FGF14: variants seen among roughly 807,000 people sequenced by gnomAD.
FGF14 encodes fibroblast growth factor homologous factor 4.
In FGF14, 5 loss-of-function variants were observed where a neutral mutation model predicts 25.5. The observed-to-expected ratio is 0.20, with a 90% CI of 0.10 to 0.41. The LOEUF is 0.41. Among genes scored for constraint, FGF14 ranks in the 10% least tolerant of loss-of-function variants. The pLI is 1.00. For missense variants in FGF14, 222 were observed against 320.1 expected, an observed-to-expected ratio of 0.69 and a Z score of 2.34; for synonymous variants, 138 against 118.3, an observed-to-expected ratio of 1.17 and a Z score of -1.08.
intron 3 of FGF14, among the ~76,000 whole-genome samples, chr13:101,732,694 C>T (rs2035892068): frequency 6.6e-6 from 1 of 152,092 alleles, no homozygotes; most frequent in Admixed American, 6.5e-5. Flanking sequence ...AATTTATGGA[C>T]TAGAAATTAA....
intron 1 of FGF14, among the ~76,000 whole-genome samples, chr13:102,085,375 T>A (rs1206109644): frequency 6.6e-6 from 1 of 152,132 alleles, no homozygotes; most frequent in African/African-American, 2.4e-5. Context: ...TCACCCCAAA[T>A]CCCTCAACTG....
intron 1 of FGF14, among the ~76,000 whole-genome samples, chr13:102,128,077 G>A (rs780307928): frequency 5.9e-5 from 9 of 151,300 alleles, no homozygotes; most frequent in Admixed American, 1.3e-4. Context: ...GTCATAATGC[G>A]GTCTTCACTC....
intron 1 of FGF14, among the ~76,000 whole-genome samples, chr13:102,213,902 T>C (rs2050260971): frequency 6.6e-6 from 1 of 152,200 alleles, no homozygotes; most frequent in African/African-American, 2.4e-5. Context: ...ATGGTACTAA[T>C]AGGTATTACT....
At chr13:102,349,888 T>C (rs2057224408) in intron 1 of FGF14, among the ~76,000 whole-genome samples, 1 of 152,198 alleles carries the variant, frequency 6.6e-6, no homozygotes, top group Non-Finnish European at 1.5e-5. Context: ...CCCATGGAAA[T>C]GATGAACCTC....
At chr13:101,935,233 T>A (rs1368647309) in intron 1 of FGF14, among the ~76,000 whole-genome samples, 2 of 152,238 alleles carry the variant, frequency 1.3e-5, no homozygotes, top group African/African-American at 4.8e-5. Context: ...TATCCTCCTT[T>A]CTGCCCCTTC....
intron 1 of FGF14, among the ~76,000 whole-genome samples, chr13:102,241,330 C>A (rs1333837795): frequency 1.3e-5 from 2 of 152,146 alleles, no homozygotes; most frequent in African/African-American, 4.8e-5. Context: ...TCCCATATCC[C>A]TTTACCCTAG....
chr13:102,071,940 T>C (rs2043171360), intron 1 of FGF14, among the ~76,000 whole-genome samples: 1 of 152,180 alleles, frequency 6.6e-6, no homozygotes, highest in African/African-American at 2.4e-5. Context: ...CTATCAGGGC[T>C]AGAACAGCCG....
At chr13:101,944,557 A>G (rs2035684401) in intron 1 of FGF14, among the ~76,000 whole-genome samples, 1 of 152,190 alleles carries the variant, frequency 6.6e-6, no homozygotes, top group Non-Finnish European at 1.5e-5. Context: ...TTAAAACTTA[A>G]TTACAATATT....
chr13:102,335,102 C>T (rs970216120), intron 1 of FGF14, among the ~76,000 whole-genome samples: 3 of 152,100 alleles, frequency 2.0e-5, no homozygotes, highest in South Asian at 2.1e-4. Context: ...TGTCTCTGTA[C>T]GATGAAGGTA....
chr13:102,009,111 A>G (rs117588619), intron 1 of FGF14, among the ~76,000 whole-genome samples: 1 of 152,184 alleles, frequency 6.6e-6, no homozygotes, highest in Admixed American at 6.5e-5. Flanking sequence ...AAAAAGCCGT[A>G]TATTTTACAT....
intron 3 of FGF14, among the ~76,000 whole-genome samples, chr13:101,822,709 TTCA>T (rs1157143815): frequency 3.3e-5 from 5 of 152,174 alleles, no homozygotes; most frequent in Non-Finnish European, 5.9e-5. Context: ...ACCTCAAACA[TTCA>T]TCATTTCTTT....
rs1566949652 is a variant in FGF14, at chr13:101,829,010, G to A, written c.408+39715C>T. ...TTCATTTGTGGTTTCTGCCCCTCGG[G>A]GTCTGTAACTGCTGTGTTTCTGGTG... On this transcript the variant is annotated intron_variant, in intron 3 of 4. Coordinates refer to ENST00000376143, the MANE Select transcript of FGF14 (RefSeq NM_004115.4). Among the ~76,000 whole-genome samples, 3 of 152,046 alleles carry A rather than the reference G, an allele frequency of 2.0e-5. No homozygotes were observed. In the East Asian group the frequency reaches 5.8e-4, roughly 30 times the overall value.
At chr13:102,000,080 C>A (rs145187451) in intron 1 of FGF14, among the ~76,000 whole-genome samples, 5,282 of 152,246 alleles carry the variant, frequency 0.035, 274 homozygotes, top group African/African-American at 0.12. Context: ...CTTTGGGAGG[C>A]CGAGGCGGGC....
intron 1 of FGF14, among the ~76,000 whole-genome samples, chr13:102,181,847 T>C (rs1339984685): frequency 6.6e-6 from 1 of 152,122 alleles, no homozygotes; most frequent in Non-Finnish European, 1.5e-5. Context: ...GATTACGGCA[T>C]GGACGTCTTT....
chr13:102,118,446 A>G (rs2045572268), intron 1 of FGF14, among the ~76,000 whole-genome samples: 1 of 152,068 alleles, frequency 6.6e-6, no homozygotes, highest in African/African-American at 2.4e-5. Context: ...TCACCCAAAT[A>G]TTGGTTACTA....
chr13:101,797,728 T>C (rs1466488135), intron 3 of FGF14, among the ~76,000 whole-genome samples: 4 of 136,540 alleles, frequency 2.9e-5, no homozygotes, highest in African/African-American at 1.1e-4. Context: ...GAGAATGTCA[T>C]GAATTGATGT....
chr13:102,017,352 T>C (rs2040401166), intron 1 of FGF14, among the ~76,000 whole-genome samples: 1 of 152,206 alleles, frequency 6.6e-6, no homozygotes, highest in Non-Finnish European at 1.5e-5. Flanking sequence ...ACCTTTGTTT[T>C]ATCCCTAAAA....
chr13:102,030,371 G>A (rs1269420957), intron 1 of FGF14, among the ~76,000 whole-genome samples: 1 of 151,994 alleles, frequency 6.6e-6, no homozygotes, highest in Non-Finnish European at 1.5e-5. Context: ...CACGGGGTCA[G>A]TTTGTGTAGA....
At chr13:101,724,629 TATAA>T (rs1282697049) in intron 4 of FGF14, among the ~76,000 whole-genome samples, 3 of 97,980 alleles carry the variant, frequency 3.1e-5, no homozygotes, top group Admixed American at 2.4e-4. Flanking sequence ...TATATATATA[TATAA>T]AACAAAGATA....
Sources: gnomAD v4.1 joint callset for allele counts (sites outside exome capture counted in the v4.1 genomes callset) on GRCh38, gnomAD v4.1.1 for gene constraint, MANE v1.5 for transcripts, NCBI Gene and HGNC (gene_info 2026-07-23, HGNC 2026-07-21) for gene names.